The following LRRTM4 variants were observed in gnomAD, a reference collection of about 807,000 sequenced individuals.
The protein encoded by LRRTM4 is leucine-rich repeat transmembrane neuronal protein 4.
Under a neutral mutation model 47.6 loss-of-function variants are expected in LRRTM4, and 25 were observed. That is an observed-to-expected ratio of 0.53 (90% CI 0.38 to 0.73). The LOEUF is 0.73. Ranked by LOEUF, LRRTM4 falls within the 30% of genes least tolerant of loss-of-function variation. The pLI is 0.00. For synonymous variants in LRRTM4, 311 were observed against 269.5 expected, an observed-to-expected ratio of 1.15 and a Z score of -1.51; for missense variants, 638 against 713.4, an observed-to-expected ratio of 0.89 and a Z score of 1.20.
intron 3 of LRRTM4, among the ~76,000 whole-genome samples, chr2:76,966,536 AAAC>A (rs1277848924): frequency 6.6e-6 from 1 of 151,478 alleles, no homozygotes; most frequent in African/African-American, 2.4e-5. Flanking sequence ...CTACGCAAGC[AAAC>A]AAACACAAGC....
chr2:77,364,236 C>T (rs1261593178), intron 3 of LRRTM4, among the ~76,000 whole-genome samples: 1 of 152,034 alleles, frequency 6.6e-6, no homozygotes, highest in East Asian at 1.9e-4. Context: ...GGCTTCTGAG[C>T]ACATGAATGT....
intron 3 of LRRTM4, among the ~76,000 whole-genome samples, chr2:76,936,869 C>T (rs1285177273): frequency 1.8e-4 from 25 of 139,112 alleles, no homozygotes; most frequent in Admixed American, 1.3e-3. Context: ...CAGGGAGAAT[C>T]GCTTGAACCC....
chr2:77,088,563 T>C (rs1680806783), intron 3 of LRRTM4, among the ~76,000 whole-genome samples: 2 of 151,918 alleles, frequency 1.3e-5, no homozygotes, highest in South Asian at 4.2e-4. Flanking sequence ...CACCCCTATC[T>C]CCATTCGCTG....
Position 77,342,843 on chromosome 2 carries a change from G to A in LRRTM4, c.1551+175475C>T, listed in dbSNP as rs1420528318. On this transcript the variant is annotated intron_variant, in intron 3 of 3. Coordinates refer to ENST00000409884, the MANE Select transcript of LRRTM4 (RefSeq NM_001134745.3). ...AAATACATCAGTGGTATGTTCCCCA[G>A]GCAGGTTCAAACTGAGGACTCTATG... 5.7e-5 allele frequency among the ~76,000 whole-genome samples: 6 copies of A among 105,210 alleles called. No individual in the cohort carries two copies. The South Asian group carries it at 1.7e-3, about 30-fold the overall frequency. 69.0% of individuals were successfully genotyped at this position (105,210 alleles called of 152,430 possible).
chr2:77,165,004 A>G (rs757362311), intron 3 of LRRTM4, among the ~76,000 whole-genome samples: 12 of 152,182 alleles, frequency 7.9e-5, no homozygotes, highest in Non-Finnish European at 1.6e-4. Context: ...AAAACCCTTC[A>G]AAAATCAGTG....
intron 3 of LRRTM4, among the ~76,000 whole-genome samples, chr2:76,939,015 G>A (rs570077996): frequency 6.6e-6 from 1 of 152,078 alleles, no homozygotes; most frequent in East Asian, 1.9e-4. Context: ...AGGAGATTAT[G>A]AATAAGTTAG....
At chr2:77,024,495 T>TAAA (rs35116332) in intron 3 of LRRTM4, among the ~76,000 whole-genome samples, 2 of 130,176 alleles carry the variant, frequency 1.5e-5, no homozygotes, top group Non-Finnish European at 1.6e-5. Context: ...GGTCTAGAAT[T>TAAA]AAAAAAAAAA....
intron 3 of LRRTM4, among the ~76,000 whole-genome samples, chr2:76,994,518 C>G (rs533703555): frequency 6.1e-4 from 92 of 150,766 alleles, no homozygotes; most frequent in Non-Finnish European, 1.0e-3. Context: ...TCCCATGTCT[C>G]TGATCCAGGA....
At chr2:77,471,339 G>C (rs147765090) in intron 3 of LRRTM4, among the ~76,000 whole-genome samples, 2 of 152,088 alleles carry the variant, frequency 1.3e-5, no homozygotes, top group Admixed American at 6.6e-5. Context: ...TAACCATCCT[G>C]GCTCAAAATA....
At chr2:76,805,100 T>A (rs1234298518) in intron 3 of LRRTM4, among the ~76,000 whole-genome samples, 1 of 152,178 alleles carries the variant, frequency 6.6e-6, no homozygotes, top group Non-Finnish European at 1.5e-5. Context: ...AAACTTTTAA[T>A]GAAGATTGAA....
At chr2:77,338,777 G>A (rs561066576) in intron 3 of LRRTM4, among the ~76,000 whole-genome samples, 66 of 151,870 alleles carry the variant, frequency 4.3e-4, no homozygotes, top group African/African-American at 1.5e-3. Flanking sequence ...ATAAATCATC[G>A]TACCACAAAG....
chr2:76,960,172 GA>G (rs1361291168), intron 3 of LRRTM4, among the ~76,000 whole-genome samples: 15 of 147,768 alleles, frequency 1.0e-4, no homozygotes, highest in East Asian at 8.0e-4. Context: ...TACCATATTT[GA>G]AAAAAAAAAT....
At chr2:77,314,862 G>T (rs1677572072) in intron 3 of LRRTM4, among the ~76,000 whole-genome samples, 1 of 152,110 alleles carries the variant, frequency 6.6e-6, no homozygotes, top group African/African-American at 2.4e-5. Flanking sequence ...TAGTGATGCT[G>T]GACCACAGCA....
chr2:77,308,758 CT>C (rs1192369878), intron 3 of LRRTM4, among the ~76,000 whole-genome samples: 1 of 128,864 alleles, frequency 7.8e-6, no homozygotes, highest in African/African-American at 2.9e-5. Flanking sequence ...GTTTTGTTTT[CT>C]TTTTTGTTCT....
At chr2:77,044,607 G>A in intron 3 of LRRTM4, among the ~76,000 whole-genome samples, 1 of 151,062 alleles carries the variant, frequency 6.6e-6, no homozygotes, top group South Asian at 2.1e-4. Context: ...GTGAAAACTA[G>A]TTTATTTGAT....
At chr2:77,340,677 A>G (rs531002510) in intron 3 of LRRTM4, among the ~76,000 whole-genome samples, 1 of 152,046 alleles carries the variant, frequency 6.6e-6, no homozygotes, top group Admixed American at 6.6e-5. Flanking sequence ...TTATAGTGCC[A>G]CCGTGTTTGT....
chr2:76,906,945 GA>G (rs1295174139), intron 3 of LRRTM4, among the ~76,000 whole-genome samples: 2 of 151,946 alleles, frequency 1.3e-5, no homozygotes, highest in Admixed American at 1.3e-4. Context: ...CAATGAGACA[GA>G]AAGTTAACAA....
intron 3 of LRRTM4, among the ~76,000 whole-genome samples, chr2:76,889,946 C>G (rs1342985769): frequency 6.6e-6 from 1 of 151,910 alleles, no homozygotes; most frequent in Non-Finnish European, 1.5e-5. Context: ...TCAGGACACT[C>G]TGTTCTGTGA....
At chr2:76,754,208 A>C (rs1400356493) in intron 3 of LRRTM4, among the ~76,000 whole-genome samples, 1 of 152,216 alleles carries the variant, frequency 6.6e-6, no homozygotes, top group African/African-American at 2.4e-5. Flanking sequence ...AATTAATTTT[A>C]AAATGAATGT....
Sources: allele counts gnomAD v4.1 joint callset (sites outside exome capture counted in the v4.1 genomes callset), GRCh38; gene constraint gnomAD v4.1.1; transcripts MANE v1.5; gene names NCBI Gene and HGNC (gene_info 2026-07-23, HGNC 2026-07-21).